Variants in PON1 observed in about 807,000 individuals in gnomAD.
The protein encoded by PON1 is paraoxonase 1.
Under a neutral mutation model 39.2 loss-of-function variants are expected in PON1, and 37 were observed. The ratio of observed to expected loss-of-function variants is 0.94; its 90% CI spans 0.73 to 1.24. The LOEUF (loss-of-function observed/expected upper bound fraction) is 1.24, where lower values mean the gene tolerates loss of function less well. Among genes scored for constraint, PON1 ranks in the 50% most tolerant of loss-of-function variants. The pLI is 0.00. For missense variants in PON1, 397 were observed against 413.5 expected (o/e 0.96, Z 0.35); for synonymous variants, 148 against 152.2 (o/e 0.97, Z 0.21).
At chr7:95,313,618 A>ATGTGTGTG (rs3046663) in intron 4 of PON1, among the ~76,000 whole-genome samples, 346 of 147,282 alleles carry the variant, frequency 2.3e-3, no homozygotes, top group African/African-American at 5.7e-3. Flanking sequence ...ATATATGTAT[A>ATGTGTGTG]TGTGTGTGTG....
intron 1 of PON1, among the ~76,000 whole-genome samples, chr7:95,319,996 A>C (rs190059798): frequency 7.2e-5 from 11 of 152,314 alleles, no homozygotes; most frequent in Admixed American, 5.9e-4. Flanking sequence ...ATTTGAAAAA[A>C]CTCTGGTCTA....
At chr7:95,304,184 T>C (rs1364385233) in intron 7 of PON1, among the ~76,000 whole-genome samples, 2 of 152,140 alleles carry the variant, frequency 1.3e-5, no homozygotes, top group African/African-American at 4.8e-5. Flanking sequence ...CTATTCTATT[T>C]TCTGTCTCCA....
At chr7:95,318,480 C>A in intron 1 of PON1, 87 bp from the exon 2 acceptor site, 1 of 1,223,314 alleles carries the variant, frequency 8.2e-7, no homozygotes, top group East Asian at 2.3e-5. Flanking sequence ...AAAAGTTCTC[C>A]TTCACTGTAC....
chr7:95,320,708 G>T (rs1046494591), intron 1 of PON1, among the ~76,000 whole-genome samples: 1 of 152,190 alleles, frequency 6.6e-6, no homozygotes, highest in African/African-American at 2.4e-5. Context: ...CCTGAAAATT[G>T]ACCCACCTGT....
chr7:95,321,231 C>G (rs1293946163), intron 1 of PON1, among the ~76,000 whole-genome samples: 1 of 152,280 alleles, frequency 6.6e-6, no homozygotes, highest in African/African-American at 2.4e-5. Context: ...CTTCATGACC[C>G]AAACACCTCC....
At chr7:95,306,882 A>G (rs1015231855) in intron 6 of PON1, among the ~76,000 whole-genome samples, 2 of 151,944 alleles carry the variant, frequency 1.3e-5, no homozygotes, top group Admixed American at 6.6e-5. Flanking sequence ...GTCATACCCC[A>G]CAAAGATCTG....
Position 95,299,117 on chromosome 7 carries a change from A to ACAT in PON1, c.910-18_910-16dup. On this transcript the variant is annotated splice_polypyrimidine_tract_variant and intron_variant, in intron 8 of 8. Transcript: ENST00000222381. ...ATTCGAAGCACCTGTGGAAGAAATA[A>ACAT]CATTGGGTTAATATTTTTGTTAAGT... is the stretch of plus-strand genomic sequence containing the variant. The ACAT allele has an allele frequency of 6.2e-7, 1 of 1,612,966 alleles. No individual in the cohort carries two copies. Among genetic ancestry groups the ACAT allele is most frequent in the Non-Finnish European group, 8.5e-7 (1 of 1,178,916 alleles).
rs879571572 is a variant in PON1 at position 95,298,594 on chromosome 7, C to T, written c.*350G>A. The T allele has an allele frequency of 8.1e-6, 3 of 368,298 alleles. No homozygotes were observed. Among genetic ancestry groups the T allele is most frequent in the Non-Finnish European group, 1.6e-5 (3 of 190,528 alleles). The allele number at this position is 368,298 out of a possible 1,614,324, so 22.8% of individuals were successfully genotyped here. On this transcript the variant is annotated 3_prime_UTR_variant, in exon 9 of 9. Coordinates refer to ENST00000222381, the MANE Select transcript of PON1 (RefSeq NM_000446.7). ...TTCTGAACAAGACATGGCAAGGCAG[C>T]GATACACACATGTGCTTCCAGGCAA...
rs1448591390 is a variant in PON1 at position 95,298,005 on chromosome 7, T to G, written c.*939A>C. 1 of 151,646 alleles carries G rather than the reference T, an allele frequency of 6.6e-6. No homozygotes were observed. The highest frequency in any genetic ancestry group is 1.9e-4 in the East Asian group (1 of 5,164). 9.4% of individuals were successfully genotyped at this position (151,646 alleles called of 1,614,324 possible). A position where few individuals can be genotyped will look rare whatever the true frequency, so the allele number is the denominator to read the frequency against. ...TAGATAGCCAAAGGGGTTGTTGATC[T>G]TTTCTATTTATTTGTTTGTTTACCT... On this transcript the variant is annotated 3_prime_UTR_variant, in exon 9 of 9. Coordinates refer to ENST00000222381, the MANE Select transcript of PON1 (RefSeq NM_000446.7).
At chr7:95,304,953 T>C (rs1023145990) in intron 7 of PON1, among the ~76,000 whole-genome samples, 1 of 152,200 alleles carries the variant, frequency 6.6e-6, no homozygotes, top group African/African-American at 2.4e-5. Flanking sequence ...TCTATTCTCA[T>C]AAAATTCTTT....
chr7:95,322,007 CACA>C (rs1320234878), intron 1 of PON1, among the ~76,000 whole-genome samples: 2 of 152,044 alleles, frequency 1.3e-5, no homozygotes, highest in Non-Finnish European at 2.9e-5. Flanking sequence ...CCAGCAGAAA[CACA>C]ACGTTTGCAA....
At chr7:95,311,203 T>C (rs1189855564) in intron 5 of PON1, among the ~76,000 whole-genome samples, 5 of 152,146 alleles carry the variant, frequency 3.3e-5, no homozygotes, top group Non-Finnish European at 4.4e-5. Flanking sequence ...TGGTAATAAC[T>C]TGAATGGAGA....
Position 95,315,322 on chromosome 7 carries a change from C to T in PON1, c.370G>A (p.Asp124Asn), listed in dbSNP as rs756094547. The T allele has an allele frequency of 6.2e-6, 10 of 1,611,188 alleles. No individual in the cohort carries two copies. The highest frequency in any genetic ancestry group is 7.6e-6 in the Non-Finnish European group (9 of 1,177,976). Residue 124 changes from aspartate to asparagine, a missense_variant and splice_region_variant, in exon 4 of 9, where the codon GAT becomes AAT. Coordinates refer to ENST00000222381, the MANE Select transcript of PON1 (RefSeq NM_000446.7). Reference sequence around the variant, plus strand: ...TTTAATAAATAGTAAATATTGTTACCTTCATCTGTGAATGTGCTAATCCCA... The same window carrying T: ...TTTAATAAATAGTAAATATTGTTACTTTCATCTGTGAATGTGCTAATCCCA... ...PHGISTFTDE[D>N]NAMYLLVVNH...
chr7:95,299,211 A>C lies in PON1; in HGVS notation c.910-109T>G, dbSNP rs191684265. On this transcript the variant is annotated intron_variant, in intron 8 of 8. Transcript: ENST00000222381. ...AAGCCATATAATCTTATACAATGAG[A>C]TAAATCCTATTTTGTTCCAAAATTA... 10 of 1,201,092 alleles carry C rather than the reference A, an allele frequency of 8.3e-6. 1 individual carries two copies. The Admixed American group carries it at 1.7e-4, about 21-fold the overall frequency. The allele number at this position is 1,201,092 out of a possible 1,614,324, so 74.4% of individuals were successfully genotyped here.
At chr7:95,308,311 T>C in intron 5 of PON1, 100 bp from the exon 6 acceptor site, 1 of 1,137,990 alleles carries the variant, frequency 8.8e-7, no homozygotes, top group East Asian at 2.5e-5. Context: ...AAAATCAAGA[T>C]GTGGGATGGA....
intron 1 of PON1, among the ~76,000 whole-genome samples, chr7:95,320,694 T>A (rs1258433261): frequency 6.6e-6 from 1 of 152,188 alleles, no homozygotes; most frequent in Non-Finnish European, 1.5e-5. Flanking sequence ...AGCTGGAAGA[T>A]GCACCTGAAA....
Position 95,324,500 on chromosome 7 carries a change from A to G in PON1, c.-25T>C, listed in dbSNP as rs200494030. The G allele has an allele frequency of 1.5e-5, 24 of 1,609,948 alleles. No homozygotes were observed. The African/African-American group carries it at 1.6e-4, about 11-fold the overall frequency. The stretch of plus-strand genomic sequence containing the variant: ...TGGTCGGGGATAGACAAAGGGATCG[A>G]TGGGCGCAGACACCGACGGGCTAGG... On this transcript the variant is annotated 5_prime_UTR_variant, in exon 1 of 9. Transcript: ENST00000222381.
rs1429523070 is a variant in PON1 at position 95,298,449 on chromosome 7, C to T, written c.*495G>A. 1.6e-5 allele frequency: 3 copies of T among 191,824 alleles called. No homozygotes were observed. The Admixed American group carries it at 1.6e-4, about 10-fold the overall frequency. 11.9% of individuals were successfully genotyped at this position (191,824 alleles called of 1,614,324 possible). Reference sequence around the variant, plus strand: ...AGTCTGACTGCCATAGTCAGACTTACTATGTGCATGGAGTAGAGGGGAACT... The same window carrying T: ...AGTCTGACTGCCATAGTCAGACTTATTATGTGCATGGAGTAGAGGGGAACT... On this transcript the variant is annotated 3_prime_UTR_variant, in exon 9 of 9. Transcript: ENST00000222381.
rs1447107686 is a variant in PON1 at position 95,298,045 on chromosome 7, T to C, written c.*899A>G. On this transcript the variant is annotated 3_prime_UTR_variant, in exon 9 of 9. Coordinates refer to ENST00000222381, the MANE Select transcript of PON1 (RefSeq NM_000446.7). ...TTTGTTTACCTTTCTATTATTTTTTTTCTTTTCAGCCTCCACAACAAGAAG... is the reference window on the plus strand; with the variant it reads ...TTTGTTTACCTTTCTATTATTTTTTCTCTTTTCAGCCTCCACAACAAGAAG... 1 of 152,224 alleles carries C rather than the reference T, an allele frequency of 6.6e-6. No individual in the cohort carries two copies. The highest frequency in any genetic ancestry group is 1.5e-5 in the Non-Finnish European group (1 of 68,054). The allele number at this position is 152,224 out of a possible 1,614,324, so 9.4% of individuals were successfully genotyped here.
Sources: allele counts gnomAD v4.1 joint callset (sites outside exome capture counted in the v4.1 genomes callset), GRCh38; gene constraint gnomAD v4.1.1; transcripts MANE v1.5; gene names NCBI Gene and HGNC (gene_info 2026-07-23, HGNC 2026-07-21).